HMCN1: variants seen among roughly 807,000 people sequenced by gnomAD.
The protein encoded by HMCN1 is hemicentin-1.
In HMCN1, 321 loss-of-function variants were observed where a neutral mutation model predicts 625.9. The ratio of observed to expected loss-of-function variants is 0.51; its 90% CI spans 0.47 to 0.56. HMCN1 has a LOEUF of 0.56. Ranked by LOEUF, HMCN1 falls within the 20% of genes least tolerant of loss-of-function variation. HMCN1 has a pLI of 0.00. For synonymous variants in HMCN1, 2,425 were observed against 2,417.6 expected (o/e 1.00, Z -0.09); for missense variants, 6,588 against 6,887.3 (o/e 0.96, Z 1.54).
intron 1 of HMCN1, among the ~76,000 whole-genome samples, chr1:185,781,617 T>C (rs574215836): frequency 6.6e-6 from 1 of 152,368 alleles, no homozygotes; most frequent in South Asian, 2.1e-4. Flanking sequence ...CCAGTGGTCA[T>C]TCAGGAACAG....
chr1:185,881,685 T>C lies in HMCN1; in HGVS notation c.621+15822T>C, dbSNP rs933419667. Reference sequence around the variant, plus strand: ...CCTCCTGCCCCTATCACAGTGTCCATCATTTTTATTAGAAATGTAGAACAA... The same window carrying C: ...CCTCCTGCCCCTATCACAGTGTCCACCATTTTTATTAGAAATGTAGAACAA... On this transcript the variant is annotated intron_variant, in intron 4 of 106. Transcript: ENST00000271588. Among the ~76,000 whole-genome samples, 5 of 152,218 alleles carry C rather than the reference T, an allele frequency of 3.3e-5. No individual in the cohort carries two copies. In the East Asian group the frequency reaches 9.6e-4, roughly 29 times the overall value.
At chr1:186,160,413 T>C (rs895617975) in intron 97 of HMCN1, among the ~76,000 whole-genome samples, 3 of 147,752 alleles carry the variant, frequency 2.0e-5, no homozygotes, top group African/African-American at 5.0e-5. Context: ...TTTGTGTCTC[T>C]ATTTCCTTCA....
intron 6 of HMCN1, among the ~76,000 whole-genome samples, chr1:185,913,405 A>G (rs950862470): frequency 6.6e-6 from 1 of 152,194 alleles, no homozygotes; most frequent in Non-Finnish European, 1.5e-5. Context: ...TGCCAAAAAT[A>G]TCACTAGCAT....
chr1:185,945,992 G>T (rs755024009), intron 11 of HMCN1, among the ~76,000 whole-genome samples: 2 of 152,098 alleles, frequency 1.3e-5, no homozygotes, highest in Non-Finnish European at 2.9e-5. Context: ...GGATGAAAAA[G>T]GAAGAAAAGG....
At position 186,178,632 on chromosome 1, in the gene HMCN1, A is replaced by T. The variant is rs1652747938; in HGVS notation, c.16160A>T (p.His5387Leu). Residue 5387 changes from histidine to leucine, a missense_variant, in exon 104 of 107, where the codon CAT becomes CTT. By Grantham distance (99) the His-to-Leu change is moderately conservative (BLOSUM62 -3). Transcript: ENST00000271588. ...PVRNNYQPQQ[H>L]YRQYSHLYSS... The stretch of plus-strand genomic sequence containing the variant: ...AGAAACAACTATCAACCTCAACAGC[A>T]TTACAGACAGTACTCACATCTCTAC... 6.2e-7 allele frequency: 1 copy of T among 1,614,014 alleles called. No individual in the cohort carries two copies. The highest frequency in any genetic ancestry group is 1.1e-5 in the South Asian group (1 of 91,088).
In HMCN1 at chr1:186,087,217, G is replaced by T. The variant is rs1364315899; in HGVS notation, c.9047G>T (p.Gly3016Val). The change falls in exon 59 of 107, where the codon GGT becomes GTT. Residue 3016 changes from glycine to valine, a missense_variant and splice_region_variant. Around this residue, in one of 3 missense-constraint regions of HMCN1, gnomAD observed 4,628 missense variants for 4,853.1 expected, o/e 0.95. Transcript: ENST00000271588. ...CAATTTGCATTCTATTTACCTACAG[G>T]TGGTCGAACTCTACAGATTATTCGG... is the stretch of plus-strand genomic sequence containing the variant. ...KLNTNTLIVP[G>V]GRTLQIIRAK... The T allele has an allele frequency of 6.3e-7, 1 of 1,597,120 alleles. No homozygotes were observed. Among genetic ancestry groups the T allele is most frequent in the Non-Finnish European group, 8.6e-7 (1 of 1,164,894 alleles).
At chr1:186,074,012 T>C (rs923790400) in intron 52 of HMCN1, among the ~76,000 whole-genome samples, 3 of 151,950 alleles carry the variant, frequency 2.0e-5, no homozygotes, top group East Asian at 1.9e-4. Flanking sequence ...ATTATCTTTG[T>C]GGGCATTGAA....
intron 104 of HMCN1, among the ~76,000 whole-genome samples, chr1:186,179,121 A>C (rs1056180198): frequency 6.6e-6 from 1 of 152,214 alleles, no homozygotes; most frequent in Non-Finnish European, 1.5e-5. Context: ...TAATGCCATC[A>C]GATTATGGCC....
At position 185,909,482 on chromosome 1, in the gene HMCN1, C is replaced by T. The variant is rs773573352; in HGVS notation, c.767C>T (p.Pro256Leu). 9.9e-6 allele frequency: 16 copies of T among 1,613,280 alleles called. No homozygotes were observed. Among genetic ancestry groups the T allele is most frequent in the Non-Finnish European group, 1.4e-5 (16 of 1,179,568 alleles). The change falls in exon 5 of 107, where the codon CCA becomes CTA. Residue 256 changes from proline to leucine, a missense_variant. Physicochemically the swap from Pro to Leu is moderately conservative, Grantham distance 98. Coordinates refer to ENST00000271588, the MANE Select transcript of HMCN1 (RefSeq NM_031935.3). ...EVTVSLSGPS[P>L]MIEIRNPLGK... is the part of the protein sequence containing the mutation. Reference sequence around the variant, plus strand: ...ACTGTGTCTTTGAGTGGGCCTTCTCCAATGATTGAAATTCGCAATCCTTTA... The same window carrying T: ...ACTGTGTCTTTGAGTGGGCCTTCTCTAATGATTGAAATTCGCAATCCTTTA...
At chr1:185,979,762 G>T (rs1219623467) in intron 16 of HMCN1, among the ~76,000 whole-genome samples, 1 of 152,132 alleles carries the variant, frequency 6.6e-6, no homozygotes, top group Non-Finnish European at 1.5e-5. Context: ...CTTTGTCATG[G>T]TTCTTTATCT....
At chr1:186,053,124 A>G in intron 43 of HMCN1, 50 bp downstream of exon 43, 3 of 1,510,458 alleles carry the variant, frequency 2.0e-6, no homozygotes, top group Non-Finnish European at 2.8e-6. Flanking sequence ...TATAAGATGG[A>G]TATTGATTTC....
chr1:186,024,640 A>T (rs912924664), intron 36 of HMCN1, among the ~76,000 whole-genome samples: 1 of 152,186 alleles, frequency 6.6e-6, no homozygotes, highest in African/African-American at 2.4e-5. Context: ...CTTAATTTCT[A>T]TGAGTATCTG....
intron 1 of HMCN1, among the ~76,000 whole-genome samples, chr1:185,787,939 A>G (rs1053922261): frequency 6.6e-6 from 1 of 152,200 alleles, no homozygotes; most frequent in Non-Finnish European, 1.5e-5. Flanking sequence ...TAGATTCAGA[A>G]TGTATGCTTG....
At chr1:186,144,502 A>G (rs1451351013) in intron 90 of HMCN1, 31 bp from the exon 91 acceptor site, 2 of 1,613,950 alleles carry the variant, frequency 1.2e-6, no homozygotes, top group Non-Finnish European at 1.7e-6. Flanking sequence ...CTAGGTAGTA[A>G]GAAAGCATGT....
At chr1:185,776,609 T>C (rs1356611177) in intron 1 of HMCN1, among the ~76,000 whole-genome samples, 1 of 152,132 alleles carries the variant, frequency 6.6e-6, no homozygotes, top group Non-Finnish European at 1.5e-5. Flanking sequence ...CTTCATTAGG[T>C]TTCTGCTGGG....
intron 97 of HMCN1, among the ~76,000 whole-genome samples, chr1:186,156,474 T>C (rs1346465950): frequency 6.6e-6 from 1 of 152,202 alleles, no homozygotes; most frequent in African/African-American, 2.4e-5. Flanking sequence ...TAATGAGTTA[T>C]TTTCTGACTA....
intron 37 of HMCN1, among the ~76,000 whole-genome samples, chr1:186,038,299 C>T (rs1446716077): frequency 6.6e-6 from 1 of 152,050 alleles, no homozygotes; most frequent in Non-Finnish European, 1.5e-5. Flanking sequence ...GGCCACAAGG[C>T]CCACATGGTG....
intron 10 of HMCN1, among the ~76,000 whole-genome samples, chr1:185,930,412 C>T (rs1166546201): frequency 2.0e-5 from 3 of 152,140 alleles, no homozygotes; most frequent in Admixed American, 6.6e-5. Context: ...GAGGTCCCAG[C>T]TCAGCCACCC....
chr1:186,069,638 T>C (rs1658362256), intron 50 of HMCN1, 25 bp from the exon 51 acceptor site: 1 of 1,480,208 alleles, frequency 6.8e-7, no homozygotes, highest in Non-Finnish European at 9.4e-7. Context: ...TTTTAGAGAC[T>C]CTTTGATGTC....
Sources: allele counts gnomAD v4.1 joint callset (sites outside exome capture counted in the v4.1 genomes callset), GRCh38; gene constraint gnomAD v4.1.1; regional missense constraint gnomAD v4.1.1; transcripts MANE v1.5; gene names NCBI Gene and HGNC (gene_info 2026-07-23, HGNC 2026-07-21).